The following SNX24 variants were observed in gnomAD, a reference collection of about 807,000 sequenced individuals.
The protein encoded by SNX24 is sorting nexin 24.
A neutral mutation model predicts 28.7 loss-of-function variants in SNX24; 22 were observed. The ratio of observed to expected loss-of-function variants is 0.77; its 90% CI spans 0.55 to 1.10. The LOEUF (loss-of-function observed/expected upper bound fraction) is 1.10, where lower values mean the gene tolerates loss of function less well. Ranked by LOEUF, SNX24 falls within the 50% of genes least tolerant of loss-of-function variation. The pLI is 0.00. For missense variants in SNX24, 221 were observed against 201.1 expected (o/e 1.10, Z -0.60); for synonymous variants, 69 against 71.5 (o/e 0.96, Z 0.18).
At chr5:122,853,251 C>A (rs148475968) in intron 1 of SNX24, among the ~76,000 whole-genome samples, 1 of 151,108 alleles carries the variant, frequency 6.6e-6, no homozygotes, top group Non-Finnish European at 1.5e-5. Flanking sequence ...CTCAGCCTCC[C>A]GAGTAGCTGG....
intron 5 of SNX24, among the ~76,000 whole-genome samples, chr5:123,017,106 T>A (rs2150185997): frequency 6.6e-6 from 1 of 151,962 alleles, no homozygotes; most frequent in East Asian, 1.9e-4. Context: ...TTGTCCTCAG[T>A]CAATACATCA....
intron 1 of SNX24, among the ~76,000 whole-genome samples, chr5:122,898,826 A>C (rs991263862): frequency 1.3e-5 from 2 of 152,204 alleles, no homozygotes; most frequent in African/African-American, 4.8e-5. Flanking sequence ...TGCAGCCAGA[A>C]TTGAGAATCA....
chr5:122,921,744 CA>C (rs1758439098), intron 1 of SNX24, among the ~76,000 whole-genome samples: 1 of 151,944 alleles, frequency 6.6e-6, no homozygotes, highest in Non-Finnish European at 1.5e-5. Flanking sequence ...TTTGCGTTTT[CA>C]GTTTTTCTAT....
At chr5:122,895,371 G>A (rs112550877) in intron 1 of SNX24, among the ~76,000 whole-genome samples, 1 of 152,122 alleles carries the variant, frequency 6.6e-6, no homozygotes, top group Non-Finnish European at 1.5e-5. Flanking sequence ...ATACATTAGA[G>A]CTGGGTTAAA....
At chr5:122,990,802 G>A (rs1044408289) in intron 3 of SNX24, among the ~76,000 whole-genome samples, 7 of 152,172 alleles carry the variant, frequency 4.6e-5, no homozygotes, top group East Asian at 1.9e-4. Flanking sequence ...GTTTTGGTTC[G>A]CTTGTTGTAA....
At chr5:122,960,229 C>A (rs528725090) in intron 3 of SNX24, among the ~76,000 whole-genome samples, 1 of 152,288 alleles carries the variant, frequency 6.6e-6, no homozygotes, top group Non-Finnish European at 1.5e-5. Flanking sequence ...CCATCTGCCT[C>A]CTGAGACAAA....
intron 1 of SNX24, among the ~76,000 whole-genome samples, chr5:122,893,905 G>C (rs934681847): frequency 6.6e-6 from 1 of 152,058 alleles, no homozygotes; most frequent in Non-Finnish European, 1.5e-5. Context: ...AAGTTAGCTG[G>C]GCTTGGTGAT....
intron 1 of SNX24, among the ~76,000 whole-genome samples, chr5:122,927,540 C>A (rs75848150): frequency 6.6e-6 from 1 of 151,992 alleles, no homozygotes; most frequent in African/African-American, 2.4e-5. Context: ...TTAGGGAGAA[C>A]ATTGACAGAC....
At chr5:123,002,588 C>T (rs550825258) in intron 6 of SNX24, among the ~76,000 whole-genome samples, 1 of 152,272 alleles carries the variant, frequency 6.6e-6, no homozygotes, top group South Asian at 2.1e-4. Flanking sequence ...GCCGAGATCG[C>T]GCCACTGCAC....
intron 3 of SNX24, among the ~76,000 whole-genome samples, chr5:122,964,989 T>C (rs1402822077): frequency 6.6e-6 from 1 of 152,090 alleles, no homozygotes; most frequent in Non-Finnish European, 1.5e-5. Flanking sequence ...TGGTTGGAGG[T>C]GTTGGTTTTT....
intron 1 of SNX24, among the ~76,000 whole-genome samples, chr5:122,875,194 T>C (rs558003502): frequency 6.6e-6 from 1 of 152,234 alleles, no homozygotes; most frequent in Non-Finnish European, 1.5e-5. Context: ...TTGACCTAAG[T>C]TATTTTATCC....
At chr5:122,930,279 G>A (rs1758893231) in intron 1 of SNX24, among the ~76,000 whole-genome samples, 1 of 152,136 alleles carries the variant, frequency 6.6e-6, no homozygotes, top group African/African-American at 2.4e-5. Flanking sequence ...TACACCTTCA[G>A]TAAGTTTTTC....
chr5:122,941,336 T>C (rs1581776977), intron 2 of SNX24, among the ~76,000 whole-genome samples: 1 of 152,188 alleles, frequency 6.6e-6, no homozygotes, highest in East Asian at 1.9e-4. Context: ...GCCGACTTTA[T>C]TTTTCACTCC....
chr5:123,028,154 T>C (rs1762888114), intron 5 of SNX24, among the ~76,000 whole-genome samples: 1 of 152,212 alleles, frequency 6.6e-6, no homozygotes, highest in Non-Finnish European at 1.5e-5. Context: ...AGTCCTCCTG[T>C]TCCCAAGTTT....
chr5:122,869,053 T>C (rs576329603), intron 1 of SNX24, among the ~76,000 whole-genome samples: 219 of 152,342 alleles, frequency 1.4e-3, no homozygotes, highest in Non-Finnish European at 2.4e-3. Flanking sequence ...TGCATACCTG[T>C]GGAAAGTGTG....
intron 3 of SNX24, among the ~76,000 whole-genome samples, chr5:122,985,006 A>G (rs1401420608): frequency 6.6e-6 from 1 of 152,256 alleles, no homozygotes. Flanking sequence ...GTAATGAGCC[A>G]TAATAAAGAG....
downstream of SNX24, among the ~76,000 whole-genome samples, chr5:123,012,890 A>T (rs1021468931): frequency 3.3e-5 from 5 of 152,210 alleles, no homozygotes; most frequent in African/African-American, 1.2e-4. Flanking sequence ...AAATCTGGCC[A>T]GAGACCTGTC....
intron 3 of SNX24, among the ~76,000 whole-genome samples, chr5:122,968,307 A>T (rs1025073226): frequency 2.6e-5 from 4 of 152,342 alleles, no homozygotes; most frequent in East Asian, 3.9e-4. Flanking sequence ...AGATCATGCC[A>T]CTGCACTTCA....
chr5:122,924,876 A>G (rs1266246358), intron 1 of SNX24, among the ~76,000 whole-genome samples: 2 of 152,086 alleles, frequency 1.3e-5, no homozygotes, highest in East Asian at 3.9e-4. Flanking sequence ...TGCTCTTTCT[A>G]CCATATCATG....
Sources: allele counts gnomAD v4.1 joint callset (sites outside exome capture counted in the v4.1 genomes callset), GRCh38; gene constraint gnomAD v4.1.1; transcripts MANE v1.5; gene names NCBI Gene and HGNC (gene_info 2026-07-23, HGNC 2026-07-21).